Variants in NUDT19 observed in about 807,000 individuals in gnomAD.
NUDT19 encodes the protein nudix hydrolase 19, also known as acyl-coenzyme A diphosphatase NUDT19.
In NUDT19, 31 loss-of-function variants were observed where a neutral mutation model predicts 22.2. The ratio of observed to expected loss-of-function variants is 1.40; its 90% CI spans 1.05 to 1.89. The LOEUF (loss-of-function observed/expected upper bound fraction) is 1.89. Among genes scored for constraint, NUDT19 ranks in the 40% most tolerant of loss-of-function variants. The pLI, the probability that NUDT19 is intolerant of heterozygous loss-of-function variation, is 0.00. For synonymous variants in NUDT19, 325 were observed against 230.8 expected (o/e 1.41, Z -3.70); for missense variants, 752 against 514.2 (o/e 1.46, Z -4.47).
At chr19:32,703,196 T>C (rs1968353032) in intron 1 of NUDT19, among the ~76,000 whole-genome samples, 1 of 151,960 alleles carries the variant, frequency 6.6e-6, no homozygotes, top group Admixed American at 6.6e-5. Context: ...AAACGGGTTT[T>C]CTCCGTGTTG....
chr19:32,706,420 C>T (rs2145366133), intron 1 of NUDT19, among the ~76,000 whole-genome samples: 1 of 152,332 alleles, frequency 6.6e-6, no homozygotes, highest in African/African-American at 2.4e-5. Context: ...CACGGTGGCT[C>T]ATGCCTGTAA....
At position 32,711,892 on chromosome 19, in the gene NUDT19, A is replaced by G; in HGVS notation, c.1063A>G (p.Thr355Ala). 1 of 1,614,008 alleles carries G rather than the reference A, an allele frequency of 6.2e-7. No individual in the cohort carries two copies. Among genetic ancestry groups the G allele is most frequent in the South Asian group, 1.1e-5 (1 of 91,080 alleles). Reference sequence around the variant, plus strand: ...TCGCCACCTTTATGATATCCACGTGACTGTTCAGCCAAAGTATAAACACGT... The same window carrying G: ...TCGCCACCTTTATGATATCCACGTGGCTGTTCAGCCAAAGTATAAACACGT... ...YHRHLYDIHV[T>A]VQPKYKHVYP... The change falls in exon 3 of 3, where the codon ACT (threonine) becomes GCT (alanine). Residue 355 changes from threonine (T) to alanine (A), a missense_variant. Transcript: ENST00000397061.
At chr19:32,698,649 T>C (rs936334457) in intron 1 of NUDT19, among the ~76,000 whole-genome samples, 6 of 152,168 alleles carry the variant, frequency 3.9e-5, no homozygotes, top group African/African-American at 9.7e-5. Flanking sequence ...CTGATCAGAA[T>C]GGTTGTGCTC....
chr19:32,692,460 GGCGCGACCGC>G lies in NUDT19; in HGVS notation c.502_511del (p.Arg168CysfsTer94). Reference sequence around the variant, plus strand: ...GAGCCACCGCCGGGCCTGGCCTCCTGGCGCGACCGCGTGCGCCAGGACCCGCGCCACTTCC... The same window carrying G: ...GAGCCACCGCCGGGCCTGGCCTCCTGGTGCGCCAGGACCCGCGCCACTTCC... On this transcript the variant is annotated frameshift_variant, in exon 1 of 3. Transcript: ENST00000397061. LOFTEE classifies it high-confidence loss of function. 1 of 1,546,558 alleles carries G rather than the reference GGCGCGACCGC, an allele frequency of 6.5e-7. No homozygotes were observed. The highest frequency in any genetic ancestry group is 8.7e-7 in the Non-Finnish European group (1 of 1,150,760).
intron 1 of NUDT19, among the ~76,000 whole-genome samples, chr19:32,696,942 C>T (rs1361403736): frequency 6.6e-6 from 1 of 152,182 alleles, no homozygotes; most frequent in African/African-American, 2.4e-5. Flanking sequence ...GTTGCATCAT[C>T]TGGTTGGTGG....
chr19:32,697,936 G>T (rs1209422569), intron 1 of NUDT19, among the ~76,000 whole-genome samples: 1 of 152,178 alleles, frequency 6.6e-6, no homozygotes, highest in African/African-American at 2.4e-5. Flanking sequence ...CAGCTTGAAG[G>T]GGACATAACC....
chr19:32,699,977 C>T (rs542722208), intron 1 of NUDT19, among the ~76,000 whole-genome samples: 1 of 152,020 alleles, frequency 6.6e-6, no homozygotes, highest in East Asian at 1.9e-4. Context: ...GTTTGTTCCT[C>T]CTGGTGCGTT....
At chr19:32,704,507 G>A (rs951154137) in intron 1 of NUDT19, among the ~76,000 whole-genome samples, 8 of 151,674 alleles carry the variant, frequency 5.3e-5, no homozygotes, top group Non-Finnish European at 1.0e-4. Context: ...TGATCCGCCT[G>A]CCTTGGCCTC....
chr19:32,692,217 C>G lies in NUDT19; in HGVS notation c.257C>G (p.Pro86Arg), dbSNP rs754460663. ...WLGLFAPHHG[P>R]PRFGLGPAPF... ...GGCCTCTTCGCGCCGCACCACGGGC[C>G]GCCGCGCTTCGGCCTGGGCCCGGCG... Residue 86 changes from proline to arginine, a missense_variant, in exon 1 of 3, where the codon CCG (proline) becomes CGG (arginine). Coordinates refer to ENST00000397061, the MANE Select transcript of NUDT19 (RefSeq NM_001105570.2). 3.2e-6 allele frequency: 5 copies of G among 1,583,370 alleles called. No homozygotes were observed. Among genetic ancestry groups the G allele is most frequent in the Middle Eastern group, 3.3e-4 (2 of 6,030 alleles).
intron 1 of NUDT19, among the ~76,000 whole-genome samples, chr19:32,698,986 C>T (rs1314057557): frequency 6.6e-6 from 1 of 152,124 alleles, no homozygotes; most frequent in Non-Finnish European, 1.5e-5. Flanking sequence ...CTTTTATCCC[C>T]AGTTATATGA....
Position 32,692,031 on chromosome 19 carries a change from G to T in NUDT19, c.71G>T (p.Trp24Leu). ...GCCAGCATCGTCCTGGCGGCTGGCTGGTCGCGCCCGGAGACCGCCACCCCG... is the reference window on the plus strand; with the variant it reads ...GCCAGCATCGTCCTGGCGGCTGGCTTGTCGCGCCCGGAGACCGCCACCCCG... ...RAASIVLAAG[W>L]SRPETATPPS... The change falls in exon 1 of 3, where the codon TGG becomes TTG. Residue 24 changes from tryptophan (W) to leucine (L), a missense_variant. Transcript: ENST00000397061. 1 of 1,264,490 alleles carries T rather than the reference G, an allele frequency of 7.9e-7. No individual in the cohort carries two copies. Among genetic ancestry groups the T allele is most frequent in the Non-Finnish European group, 9.9e-7 (1 of 1,010,288 alleles). The allele number at this position is 1,264,490 out of a possible 1,614,324, so 78.3% of individuals were successfully genotyped here. A position where few individuals can be genotyped will look rare whatever the true frequency, so the allele number is the denominator to read the frequency against.
chr19:32,694,233 CGTT>C (rs1232696531), intron 1 of NUDT19, among the ~76,000 whole-genome samples: 2 of 152,214 alleles, frequency 1.3e-5, no homozygotes, highest in African/African-American at 2.4e-5. Context: ...GTTTGAAAGG[CGTT>C]GTCTGATTTC....
rs76671126 is a variant in NUDT19, at chr19:32,692,371, C to T, written c.411C>T (p.Gly137=). ...TGCGGGAGGCCTTTGAGGAGGCGGG[C>T]GTGCTGCTGCTGCGGCCCAGGACTT... is the stretch of plus-strand genomic sequence containing the variant. The part of the protein sequence containing the change: ...CAVREAFEEA[G]VLLLRPRTSP... Residue 137 remains glycine (G), a synonymous_variant, in exon 1 of 3, where the codon GGC becomes GGT. Transcript: ENST00000397061. 6.3e-7 allele frequency: 1 copy of T among 1,588,618 alleles called. No homozygotes were observed. Among genetic ancestry groups the T allele is most frequent in the Non-Finnish European group, 8.5e-7 (1 of 1,175,266 alleles).
At chr19:32,700,951 G>A (rs900923500) in intron 1 of NUDT19, among the ~76,000 whole-genome samples, 10 of 151,534 alleles carry the variant, frequency 6.6e-5, no homozygotes, top group Admixed American at 5.3e-4. Context: ...GAGGTGAGAG[G>A]ATCCCTTGAG....
At chr19:32,708,689 A>G (rs1174537236) in intron 1 of NUDT19, among the ~76,000 whole-genome samples, 1 of 152,176 alleles carries the variant, frequency 6.6e-6, no homozygotes, top group Non-Finnish European at 1.5e-5. Context: ...TGTGGCACAC[A>G]TCACCACATC....
Position 32,692,442 on chromosome 19 carries a change from C to G in NUDT19, c.482C>G (p.Pro161Arg). 6.5e-7 allele frequency: 1 copy of G among 1,547,262 alleles called. No individual in the cohort carries two copies. Among genetic ancestry groups the G allele is most frequent in the Non-Finnish European group, 8.7e-7 (1 of 1,152,410 alleles). The change falls in exon 1 of 3, where the codon CCG becomes CGG. Residue 161 changes from proline to arginine, a missense_variant. Physicochemically the swap from Pro to Arg is moderately radical, Grantham distance 103. Coordinates refer to ENST00000397061, the MANE Select transcript of NUDT19 (RefSeq NM_001105570.2). ...APGPGLALEP[P>R]PGLASWRDRV... ...GGGCCTGGCCTCGCCCTGGAGCCACCGCCGGGCCTGGCCTCCTGGCGCGAC... is the reference window on the plus strand; with the variant it reads ...GGGCCTGGCCTCGCCCTGGAGCCACGGCCGGGCCTGGCCTCCTGGCGCGAC...
chr19:32,711,712 T>A, intron 2 of NUDT19, 40 bp from the exon 3 acceptor site: 1 of 1,210,220 alleles, frequency 8.3e-7, no homozygotes, highest in Non-Finnish European at 1.2e-6. Context: ...GAAAAATAAT[T>A]TTGTATTTAA....
In NUDT19 at chr19:32,698,133, C is replaced by T. The variant is rs114555829; in HGVS notation, c.714+5459C>T. On this transcript the variant is annotated intron_variant, in intron 1 of 2. Coordinates refer to ENST00000397061, the MANE Select transcript of NUDT19 (RefSeq NM_001105570.2). The stretch of plus-strand genomic sequence containing the variant: ...TGCAAGCTTTGCATACTTGGGTATT[C>T]TCCTTCAATGAAAAGAAAACTTAGA... 7.2e-3 allele frequency among the ~76,000 whole-genome samples: 1,102 copies of T among 152,270 alleles called. 15 individuals are homozygous for T. Among genetic ancestry groups the T allele is most frequent in the African/African-American group, 0.026 (1,073 of 41,562 alleles).
chr19:32,701,380 A>G (rs1314842694), intron 1 of NUDT19, among the ~76,000 whole-genome samples: 1 of 151,700 alleles, frequency 6.6e-6, no homozygotes, highest in Non-Finnish European at 1.5e-5. Flanking sequence ...TAATTTTTGT[A>G]TTTTTAGTAG....
Sources: gnomAD v4.1 joint callset for allele counts (sites outside exome capture counted in the v4.1 genomes callset) on GRCh38, gnomAD v4.1.1 for gene constraint, MANE v1.5 for transcripts, NCBI Gene and HGNC (gene_info 2026-07-23, HGNC 2026-07-21) for gene names.